The following SRGAP1 variants were observed in gnomAD, a reference collection of about 807,000 sequenced individuals.
SRGAP1 encodes SLIT-ROBO Rho GTPase-activating protein 1.
Under a neutral mutation model 121.9 loss-of-function variants are expected in SRGAP1, and 43 were observed. That is an observed-to-expected ratio of 0.35 (90% CI 0.28 to 0.46). The LOEUF (loss-of-function observed/expected upper bound fraction) is 0.46. SRGAP1 is among the 20% of genes least tolerant of loss of function. SRGAP1 has a pLI of 1.00. For synonymous variants in SRGAP1, 447 were observed against 485.4 expected, an observed-to-expected ratio of 0.92 and a Z score of 1.04; for missense variants, 1,102 against 1,350.9, an observed-to-expected ratio of 0.82 and a Z score of 2.89.
intron 1 of SRGAP1, among the ~76,000 whole-genome samples, chr12:63,873,256 C>T (rs181732899): frequency 6.4e-4 from 98 of 152,132 alleles, no homozygotes; most frequent in African/African-American, 1.8e-3. Flanking sequence ...GTTGGCCGGG[C>T]GCGGTAGCTC....
intron 6 of SRGAP1, among the ~76,000 whole-genome samples, chr12:64,048,718 CATT>C (rs1383186497): frequency 2.0e-5 from 3 of 152,128 alleles, no homozygotes; most frequent in Non-Finnish European, 4.4e-5. Flanking sequence ...GATGATATCT[CATT>C]GTAGTTTTGA....
rs533572399 is a variant in SRGAP1 at position 63,898,615 on chromosome 12, G to A, written c.67+53732G>A. ...TTACATAAATATTACAAAACAGAAG[G>A]AAACTCTACAAACAATCCAGAATTA... is the stretch of plus-strand genomic sequence containing the variant. On this transcript the variant is annotated intron_variant, in intron 1 of 21. Coordinates refer to ENST00000355086, the MANE Select transcript of SRGAP1 (RefSeq NM_020762.4). Among the ~76,000 whole-genome samples, 17 of 152,228 alleles carry A rather than the reference G, an allele frequency of 1.1e-4. 1 individual carries two copies. In the South Asian group the frequency reaches 3.5e-3, roughly 32 times the overall value.
In SRGAP1 at chr12:63,942,050, G is replaced by A. The variant is rs188846831; in HGVS notation, c.68-41897G>A. On this transcript the variant is annotated intron_variant, in intron 1 of 21. Transcript: ENST00000355086. Reference sequence around the variant, plus strand: ...TGATCTGAGGGGAACTCCTTTGAAGGAAGAACCTAACATTCTGTGCTTTTA... The same window carrying A: ...TGATCTGAGGGGAACTCCTTTGAAGAAAGAACCTAACATTCTGTGCTTTTA... 6.1e-4 allele frequency among the ~76,000 whole-genome samples: 93 copies of A among 152,180 alleles called. No homozygotes were observed. In the Middle Eastern group the frequency reaches 0.017, roughly 28 times the overall value.
chr12:64,013,693 T>C (rs2034320394), intron 3 of SRGAP1, among the ~76,000 whole-genome samples: 1 of 152,234 alleles, frequency 6.6e-6, no homozygotes, highest in African/African-American at 2.4e-5. Flanking sequence ...TGAGGAATTA[T>C]CAGTTTCCTA....
intron 6 of SRGAP1, among the ~76,000 whole-genome samples, chr12:64,050,205 A>G (rs753363448): frequency 3.9e-5 from 6 of 152,144 alleles, no homozygotes; most frequent in Non-Finnish European, 7.4e-5. Flanking sequence ...CTGTTGGCAT[A>G]TAGAAATGTT....
At chr12:64,134,701 A>T (rs2036833782) in intron 21 of SRGAP1, among the ~76,000 whole-genome samples, 1 of 152,192 alleles carries the variant, frequency 6.6e-6, no homozygotes, top group Non-Finnish European at 1.5e-5. Context: ...GAGCTGCAAC[A>T]TTAAATGCAG....
At chr12:64,130,481 C>T (rs564754778) in intron 21 of SRGAP1, among the ~76,000 whole-genome samples, 4 of 152,186 alleles carry the variant, frequency 2.6e-5, no homozygotes, top group Admixed American at 6.5e-5. Flanking sequence ...TTCCTGGACC[C>T]GTGAATCCTG....
chr12:63,945,402 C>T (rs2032012236), intron 1 of SRGAP1, among the ~76,000 whole-genome samples: 1 of 152,038 alleles, frequency 6.6e-6, no homozygotes, highest in South Asian at 2.1e-4. Flanking sequence ...TCTCCTAACG[C>T]TATCCCTCCC....
chr12:64,124,639 T>C (rs2036658734), intron 18 of SRGAP1, among the ~76,000 whole-genome samples: 1 of 152,202 alleles, frequency 6.6e-6, no homozygotes, highest in South Asian at 2.1e-4. Flanking sequence ...ATTGAGGAGC[T>C]TCTTGCAGTA....
chr12:64,126,265 GAT>G, intron 19 of SRGAP1, 108 bp downstream of exon 19: 2 of 1,276,056 alleles, frequency 1.6e-6, no homozygotes, highest in East Asian at 2.4e-5. Flanking sequence ...GGATTACAGA[GAT>G]AAAACTTCAG....
intron 3 of SRGAP1, among the ~76,000 whole-genome samples, chr12:64,012,734 A>G (rs1432398462): frequency 2.0e-5 from 3 of 151,424 alleles, no homozygotes; most frequent in East Asian, 3.9e-4. Context: ...TATTTTTTCT[A>G]GAGATGGAGT....
At chr12:64,069,667 T>TTTTTG (rs1167706192) in intron 8 of SRGAP1, among the ~76,000 whole-genome samples, 1 of 152,184 alleles carries the variant, frequency 6.6e-6, no homozygotes, top group Non-Finnish European at 1.5e-5. Flanking sequence ...ATTACTTTTG[T>TTTTTG]TTTTGTTTTG....
chr12:63,888,841 GT>G (rs1286630056), intron 1 of SRGAP1, among the ~76,000 whole-genome samples: 2 of 152,166 alleles, frequency 1.3e-5, no homozygotes, highest in Admixed American at 1.3e-4. Flanking sequence ...TGGCAGGACA[GT>G]TTCTCTGTAA....
intron 3 of SRGAP1, among the ~76,000 whole-genome samples, chr12:64,011,366 C>T (rs914064899): frequency 1.3e-5 from 2 of 151,976 alleles, no homozygotes; most frequent in African/African-American, 4.8e-5. Flanking sequence ...TTAGAGGAAC[C>T]CTAGATTTCT....
At chr12:63,951,460 G>A (rs893187322) in intron 1 of SRGAP1, among the ~76,000 whole-genome samples, 3 of 151,956 alleles carry the variant, frequency 2.0e-5, no homozygotes, top group South Asian at 2.1e-4. Flanking sequence ...CACTGCACCC[G>A]GCCTTCATTT....
chr12:63,847,071 G>A (rs533733206), intron 1 of SRGAP1, among the ~76,000 whole-genome samples: 3 of 152,342 alleles, frequency 2.0e-5, no homozygotes, highest in Non-Finnish European at 4.4e-5. Flanking sequence ...GTGCATGCCT[G>A]TAATCTCCGC....
intron 19 of SRGAP1, among the ~76,000 whole-genome samples, chr12:64,126,869 A>G (rs73321355): frequency 0.047 from 7,203 of 152,278 alleles, 570 homozygotes; most frequent in African/African-American, 0.16. Flanking sequence ...AATTTGCATA[A>G]CTATCTGTAC....
At chr12:64,010,906 AGGT>A (rs1448947246) in intron 3 of SRGAP1, among the ~76,000 whole-genome samples, 1 of 151,428 alleles carries the variant, frequency 6.6e-6, no homozygotes, top group East Asian at 1.9e-4. Flanking sequence ...GATGGCCTAG[AGGT>A]GGTAATAAAT....
chr12:64,147,844 T>C lies in SRGAP1; in HGVS notation c.*5172T>C. 1 of 396,064 alleles carries C rather than the reference T, an allele frequency of 2.5e-6. No individual in the cohort carries two copies. The highest frequency in any genetic ancestry group is 4.4e-6 in the Non-Finnish European group (1 of 224,978). The allele number at this position is 396,064 out of a possible 1,614,324, so 24.5% of individuals were successfully genotyped here. ...TAAGATAGTTCTGGCTGCCTTTGTC[T>C]GCTTCCAGTTTGATGTGCATCTCTG... On this transcript the variant is annotated 3_prime_UTR_variant, in exon 22 of 22. Transcript: ENST00000355086.
Sources: allele counts gnomAD v4.1 joint callset (sites outside exome capture counted in the v4.1 genomes callset), GRCh38; gene constraint gnomAD v4.1.1; transcripts MANE v1.5; gene names NCBI Gene and HGNC (gene_info 2026-07-23, HGNC 2026-07-21).